The following DDHD1 variants were observed in gnomAD, a reference collection of about 807,000 sequenced individuals.
DDHD1 encodes the protein phospholipase DDHD1.
In DDHD1, 49 loss-of-function variants were observed where a neutral mutation model predicts 96.4. That is an observed-to-expected ratio of 0.51 (90% CI 0.40 to 0.64). The LOEUF (loss-of-function observed/expected upper bound fraction) is 0.64. Among genes scored for constraint, DDHD1 ranks in the 30% least tolerant of loss-of-function variants. The pLI is 0.00. For missense variants in DDHD1, 1,106 were observed against 1,161.2 expected (o/e 0.95, Z 0.69); for synonymous variants, 442 against 446.5 (o/e 0.99, Z 0.13).
chr14:53,061,028 GAAC>G lies in DDHD1; in HGVS notation c.1842+95_1842+97del, dbSNP rs368036795. On this transcript the variant is annotated intron_variant, in intron 8 of 12. Transcript: ENST00000673822. ...TGTTGAATAAATATTTATTTTGAAA[GAAC>G]AATAAACTTTCATTTGAATCCTAAA... is the stretch of plus-strand genomic sequence containing the variant. 506 of 1,077,826 alleles carry G rather than the reference GAAC, an allele frequency of 4.7e-4. No homozygotes were observed. In the African/African-American group the frequency reaches 7.6e-3, roughly 16 times the overall value. 66.8% of individuals were successfully genotyped at this position (1,077,826 alleles called of 1,614,324 possible).
chr14:53,132,828 G>T (rs547301814), intron 1 of DDHD1, among the ~76,000 whole-genome samples: 2 of 152,176 alleles, frequency 1.3e-5, no homozygotes, highest in Non-Finnish European at 2.9e-5. Context: ...TCAGGGCAAC[G>T]CTTCTGCTGA....
rs542736570 is a variant in DDHD1 at position 53,095,009 on chromosome 14, A to C, written c.1013-1565T>G. Among the ~76,000 whole-genome samples, 16 of 152,304 alleles carry C rather than the reference A, an allele frequency of 1.1e-4. No individual in the cohort carries two copies. The East Asian group carries it at 2.9e-3, about 28-fold the overall frequency. ...CATTTCTTATATATCCCTAGCACCA[A>C]ACAGAATGTCCTATCACAGTGTCTG... On this transcript the variant is annotated intron_variant, in intron 2 of 12. Transcript: ENST00000673822.
chr14:53,101,131 A>C (rs1167488509), intron 2 of DDHD1, among the ~76,000 whole-genome samples: 1 of 152,176 alleles, frequency 6.6e-6, no homozygotes, highest in Admixed American at 6.5e-5. Flanking sequence ...TCCTCCCTCA[A>C]ACTAATGAAG....
rs778317174 is a variant in DDHD1 at position 53,060,433 on chromosome 14, G to C, written c.1842+693C>G. 6.6e-4 allele frequency among the ~76,000 whole-genome samples: 100 copies of C among 152,190 alleles called. 2 individuals are homozygous for C. The highest frequency in any genetic ancestry group is 5.3e-4 in the African/African-American group (22 of 41,534). Reference sequence around the variant, plus strand: ...ATTCCTGCTCTCTCACTGCCTCCTTGTCCTGACTTCTGTATATTATAGCTA... The same window carrying C: ...ATTCCTGCTCTCTCACTGCCTCCTTCTCCTGACTTCTGTATATTATAGCTA... On this transcript the variant is annotated intron_variant, in intron 8 of 12. Transcript: ENST00000673822.
At chr14:53,150,255 T>C (rs1891252298) in intron 1 of DDHD1, among the ~76,000 whole-genome samples, 1 of 152,216 alleles carries the variant, frequency 6.6e-6, no homozygotes, top group African/African-American at 2.4e-5. Context: ...ATTAAATTCA[T>C]CCTGTAAGAC....
At chr14:53,111,999 T>C (rs1265912793) in intron 1 of DDHD1, among the ~76,000 whole-genome samples, 1 of 152,238 alleles carries the variant, frequency 6.6e-6, no homozygotes, top group Non-Finnish European at 1.5e-5. Context: ...AGCTTTGTCG[T>C]GGAAGCTATA....
rs935782877 is a variant in DDHD1 at position 53,042,233 on chromosome 14, T to G, written c.*4535A>C. 1 of 152,194 alleles carries G rather than the reference T, an allele frequency of 6.6e-6. No homozygotes were observed. The highest frequency in any genetic ancestry group is 2.4e-5 in the African/African-American group (1 of 41,462). 9.4% of individuals were successfully genotyped at this position (152,194 alleles called of 1,614,324 possible). On this transcript the variant is annotated 3_prime_UTR_variant, in exon 13 of 13. Transcript: ENST00000673822. ...AGAGCATTTAGTGTAGCAAAGGCTC[T>G]CAAAGCCCTGCTGTAAGGGAGATTT...
intron 1 of DDHD1, among the ~76,000 whole-genome samples, chr14:53,113,606 C>T (rs935423862): frequency 3.3e-5 from 5 of 151,234 alleles, no homozygotes; most frequent in South Asian, 2.1e-4. Flanking sequence ...CATGGTGGTG[C>T]GTCACTTCCA....
At chr14:53,129,798 C>T (rs1265327203) in intron 1 of DDHD1, among the ~76,000 whole-genome samples, 4 of 152,218 alleles carry the variant, frequency 2.6e-5, no homozygotes, top group Non-Finnish European at 5.9e-5. Flanking sequence ...TTCTGCAACA[C>T]TGCTTGGCCC....
intron 1 of DDHD1, among the ~76,000 whole-genome samples, chr14:53,124,029 C>T (rs968267547): frequency 1.1e-4 from 16 of 151,526 alleles, no homozygotes; most frequent in South Asian, 2.1e-4. Flanking sequence ...GTCAGGAGTT[C>T]GAGACCAGCC....
At chr14:53,124,175 C>T (rs939111005) in intron 1 of DDHD1, among the ~76,000 whole-genome samples, 9 of 150,856 alleles carry the variant, frequency 6.0e-5, no homozygotes, top group Non-Finnish European at 1.5e-5. Context: ...GCAGAGGTTA[C>T]AGTGAGCCGA....
intron 1 of DDHD1, among the ~76,000 whole-genome samples, chr14:53,124,618 A>G (rs1889293734): frequency 6.6e-6 from 1 of 152,224 alleles, no homozygotes; most frequent in Admixed American, 6.5e-5. Flanking sequence ...AACCACTTTG[A>G]TAGAGGTAAA....
intron 1 of DDHD1, among the ~76,000 whole-genome samples, chr14:53,129,548 T>C (rs1595235054): frequency 6.6e-6 from 1 of 152,152 alleles, no homozygotes; most frequent in Non-Finnish European, 1.5e-5. Flanking sequence ...ATTTCAGAGG[T>C]GTCTGATCAC....
intron 1 of DDHD1, among the ~76,000 whole-genome samples, chr14:53,107,594 C>A (rs946484089): frequency 3.3e-5 from 5 of 152,168 alleles, no homozygotes; most frequent in Non-Finnish European, 7.4e-5. Flanking sequence ...AGATTGAGAC[C>A]AGACTGGCCA....
At chr14:53,086,425 G>T (rs968170191) in intron 4 of DDHD1, among the ~76,000 whole-genome samples, 7 of 152,152 alleles carry the variant, frequency 4.6e-5, no homozygotes, top group Non-Finnish European at 8.8e-5. Context: ...ACCCACAAAG[G>T]GAAGCCCATC....
At position 53,044,323 on chromosome 14, in the gene DDHD1, A is replaced by G. The variant is rs2139796771; in HGVS notation, c.*2445T>C. On this transcript the variant is annotated 3_prime_UTR_variant, in exon 13 of 13. Transcript: ENST00000673822. ...ATGGTTAAATTTGACTGTTTTCTCA[A>G]CATGAAAAAAAGGAAGCAGACATAT... is the stretch of plus-strand genomic sequence containing the variant. 6.6e-6 allele frequency: 1 copy of G among 152,290 alleles called. No homozygotes were observed. The highest frequency in any genetic ancestry group is 1.9e-4 in the East Asian group (1 of 5,188). 9.4% of individuals were successfully genotyped at this position (152,290 alleles called of 1,614,324 possible). A position where few individuals can be genotyped will look rare whatever the true frequency, so the allele number is the denominator to read the frequency against.
In DDHD1 at chr14:53,042,588, G is replaced by C. The variant is rs1450249288; in HGVS notation, c.*4180C>G. 6.6e-6 allele frequency: 1 copy of C among 152,188 alleles called. No individual in the cohort carries two copies. Among genetic ancestry groups the C allele is most frequent in the Non-Finnish European group, 1.5e-5 (1 of 68,038 alleles). 9.4% of individuals were successfully genotyped at this position (152,188 alleles called of 1,614,324 possible). A position where few individuals can be genotyped will look rare whatever the true frequency, so the allele number is the denominator to read the frequency against. On this transcript the variant is annotated 3_prime_UTR_variant, in exon 13 of 13. Coordinates refer to ENST00000673822, the MANE Select transcript of DDHD1 (RefSeq NM_001160148.2). ...CTATCACAAGCATCTACTGAAGACT[G>C]AAAGAGAAAGCATATAACCCAGGCT...
intron 7 of DDHD1, 62 bp downstream of exon 7, chr14:53,062,879 CGT>C: frequency 6.6e-6 from 10 of 1,516,992 alleles, no homozygotes; most frequent in Non-Finnish European, 9.0e-6. Context: ...TTAGTTTTCT[CGT>C]AAGAGGTCCA....
intron 4 of DDHD1, among the ~76,000 whole-genome samples, chr14:53,076,768 T>C (rs1884994374): frequency 6.6e-6 from 1 of 152,172 alleles, no homozygotes; most frequent in African/African-American, 2.4e-5. Context: ...GCCATCAACA[T>C]GGACGCAAGA....
Sources: allele counts gnomAD v4.1 joint callset (sites outside exome capture counted in the v4.1 genomes callset), GRCh38; gene constraint gnomAD v4.1.1; transcripts MANE v1.5; gene names NCBI Gene and HGNC (gene_info 2026-07-23, HGNC 2026-07-21).